The following RBPMS2 variants were observed in gnomAD, a reference collection of about 807,000 sequenced individuals.
RBPMS2 encodes the protein RNA-binding protein with multiple splicing 2.
A neutral mutation model predicts 25.7 loss-of-function variants in RBPMS2; 14 were observed. That is an observed-to-expected ratio of 0.55 (90% CI 0.36 to 0.85). RBPMS2 has a LOEUF of 0.85. Ranked by LOEUF, RBPMS2 falls within the 40% of genes least tolerant of loss-of-function variation. RBPMS2 has a pLI of 0.01. For missense variants in RBPMS2, 252 were observed against 283.4 expected (o/e 0.89, Z 0.80); for synonymous variants, 127 against 115.6 (o/e 1.10, Z -0.63).
At chr15:64,744,215 G>T (rs530704889) in intron 6 of RBPMS2, among the ~76,000 whole-genome samples, 20 of 152,142 alleles carry the variant, frequency 1.3e-4, no homozygotes, top group African/African-American at 4.6e-4. Context: ...ACCCAGACTG[G>T]TAAGTCTACA....
chr15:64,754,147 C>T (rs1192956313), intron 1 of RBPMS2, among the ~76,000 whole-genome samples: 1 of 151,898 alleles, frequency 6.6e-6, no homozygotes, highest in East Asian at 1.9e-4. Context: ...CCCATCTCTA[C>T]TAAAAATACA....
At chr15:64,745,457 T>G (rs1595784805) in intron 6 of RBPMS2, among the ~76,000 whole-genome samples, 1 of 152,166 alleles carries the variant, frequency 6.6e-6, no homozygotes, top group African/African-American at 2.4e-5. Flanking sequence ...GATAAGAAAA[T>G]AGAGGCACGG....
At chr15:64,748,884 A>G in intron 5 of RBPMS2, 116 bp downstream of exon 5, 2 of 1,208,110 alleles carry the variant, frequency 1.7e-6, no homozygotes, top group Non-Finnish European at 2.3e-6. Flanking sequence ...TGTTTCAAAA[A>G]TGGGTGGCCG....
At chr15:64,752,634 A>G (rs1247391408) in intron 1 of RBPMS2, among the ~76,000 whole-genome samples, 1 of 149,548 alleles carries the variant, frequency 6.7e-6, no homozygotes. Flanking sequence ...TTTTTTTGAG[A>G]TGGAGTTTTG....
At chr15:64,765,397 G>C (rs1433657089) in intron 1 of RBPMS2, among the ~76,000 whole-genome samples, 1 of 146,392 alleles carries the variant, frequency 6.8e-6, no homozygotes, top group African/African-American at 2.5e-5. Flanking sequence ...CCTGGCGACA[G>C]AGCAAGACTC....
rs1262559898 is a variant in RBPMS2 at position 64,740,621 on chromosome 15, A to G, written c.*387T>C. 1 of 155,480 alleles carries G rather than the reference A, an allele frequency of 6.4e-6. No individual in the cohort carries two copies. The highest frequency in any genetic ancestry group is 1.4e-5 in the Non-Finnish European group (1 of 69,822). 9.6% of individuals were successfully genotyped at this position (155,480 alleles called of 1,614,324 possible). A position where few individuals can be genotyped will look rare whatever the true frequency, so the allele number is the denominator to read the frequency against. ...GAGAACAAACTGTACACTCATATAT[A>G]CAAGTATAAGTGTCTTAATTCATGC... On this transcript the variant is annotated 3_prime_UTR_variant, in exon 8 of 8. Coordinates refer to ENST00000300069, the MANE Select transcript of RBPMS2 (RefSeq NM_194272.3).
At chr15:64,758,862 T>C (rs1056970158) in intron 1 of RBPMS2, among the ~76,000 whole-genome samples, 3 of 152,174 alleles carry the variant, frequency 2.0e-5, no homozygotes, top group Non-Finnish European at 4.4e-5. Flanking sequence ...AGGGCCTGTG[T>C]GTTCTTGAGC....
chr15:64,751,412 G>A lies in RBPMS2; in HGVS notation c.165+149C>T, dbSNP rs2083678813. On this transcript the variant is annotated intron_variant, in intron 2 of 7. Transcript: ENST00000300069. ...GGCTCAGAAGGCAGCATGTGAATTCGCAGAACCAGGACACGGGCTGGACCT... is the reference window on the plus strand; with the variant it reads ...GGCTCAGAAGGCAGCATGTGAATTCACAGAACCAGGACACGGGCTGGACCT... 3.9e-5 allele frequency: 25 copies of A among 636,346 alleles called. No individual in the cohort carries two copies. In the South Asian group the frequency reaches 4.4e-4, roughly 11 times the overall value. 39.4% of individuals were successfully genotyped at this position (636,346 alleles called of 1,614,324 possible). A position where few individuals can be genotyped will look rare whatever the true frequency, so the allele number is the denominator to read the frequency against.
intron 6 of RBPMS2, among the ~76,000 whole-genome samples, chr15:64,743,597 A>G (rs2083584699): frequency 6.6e-6 from 1 of 151,784 alleles, no homozygotes; most frequent in Non-Finnish European, 1.5e-5. Context: ...GGCCAGCAAG[A>G]CAGGGCACCC....
At position 64,769,641 on chromosome 15, in the gene RBPMS2, C is replaced by T. The variant is rs150901951; in HGVS notation, c.87+5592G>A. ...CGCCACTGCACTTCAGCCTGGGCGA[C>T]AGAGCGAGACTCCATCTCAAAAATA... On this transcript the variant is annotated intron_variant, in intron 1 of 7. Coordinates refer to ENST00000300069, the MANE Select transcript of RBPMS2 (RefSeq NM_194272.3). Among the ~76,000 whole-genome samples, 1,324 of 151,824 alleles carry T rather than the reference C, an allele frequency of 8.7e-3. 16 individuals are homozygous for T. Among genetic ancestry groups the T allele is most frequent in the African/African-American group, 0.031 (1,266 of 41,402 alleles).
intron 1 of RBPMS2, among the ~76,000 whole-genome samples, chr15:64,770,501 C>T (rs2083885445): frequency 6.6e-6 from 1 of 152,166 alleles, no homozygotes; most frequent in South Asian, 2.1e-4. Context: ...TTAGTACAGC[C>T]TCTCCCTTAG....
intron 1 of RBPMS2, among the ~76,000 whole-genome samples, chr15:64,773,939 C>T (rs2083909513): frequency 6.6e-6 from 1 of 152,248 alleles, no homozygotes; most frequent in African/African-American, 2.4e-5. Context: ...AACAAATCCA[C>T]CACACTTAAG....
chr15:64,746,616 G>T (rs1238881575), intron 6 of RBPMS2, among the ~76,000 whole-genome samples: 1 of 152,196 alleles, frequency 6.6e-6, no homozygotes, highest in Non-Finnish European at 1.5e-5. Context: ...AAGCCAACAG[G>T]AGGAAGGAAG....
At chr15:64,747,104 G>A (rs2083623955) in intron 6 of RBPMS2, among the ~76,000 whole-genome samples, 1 of 152,180 alleles carries the variant, frequency 6.6e-6, no homozygotes, top group South Asian at 2.1e-4. Context: ...CAATTTTCAA[G>A]CTATTTGTGG....
intron 1 of RBPMS2, among the ~76,000 whole-genome samples, chr15:64,752,294 G>T (rs2083690053): frequency 6.6e-6 from 1 of 152,024 alleles, no homozygotes; most frequent in Non-Finnish European, 1.5e-5. Context: ...GATACCCATG[G>T]CCTCCTGGTA....
At chr15:64,752,621 T>C (rs1448208485) in intron 1 of RBPMS2, among the ~76,000 whole-genome samples, 2 of 152,080 alleles carry the variant, frequency 1.3e-5, no homozygotes, top group Non-Finnish European at 2.9e-5. Flanking sequence ...CTGTGAGTTT[T>C]TTTTTTTTTG....
At chr15:64,768,070 C>G (rs774595495) in intron 1 of RBPMS2, among the ~76,000 whole-genome samples, 1 of 152,206 alleles carries the variant, frequency 6.6e-6, no homozygotes, top group South Asian at 2.1e-4. Context: ...AAAAGAATGT[C>G]CCCCAGAATA....
chr15:64,769,615 G>A (rs545851692), intron 1 of RBPMS2, among the ~76,000 whole-genome samples: 14 of 151,292 alleles, frequency 9.3e-5, no homozygotes, highest in Non-Finnish European at 1.6e-4. Context: ...AGCTGAGATC[G>A]CGCCACTGCA....
chr15:64,754,036 T>C (rs2083708516), intron 1 of RBPMS2, among the ~76,000 whole-genome samples: 1 of 152,232 alleles, frequency 6.6e-6, no homozygotes, highest in African/African-American at 2.4e-5. Context: ...CTCGGCCAGG[T>C]GCAGTGGCTC....
Sources: gnomAD v4.1 joint callset for allele counts (sites outside exome capture counted in the v4.1 genomes callset) on GRCh38, gnomAD v4.1.1 for gene constraint, MANE v1.5 for transcripts, NCBI Gene and HGNC (gene_info 2026-07-23, HGNC 2026-07-21) for gene names.